DGKH: variants seen among roughly 807,000 people sequenced by gnomAD.
DGKH encodes the protein DAG kinase eta.
Under a neutral mutation model 159.3 loss-of-function variants are expected in DGKH, and 90 were observed. The ratio of observed to expected loss-of-function variants is 0.57; its 90% CI spans 0.48 to 0.67. DGKH has a LOEUF of 0.67. DGKH is among the 30% of genes least tolerant of loss of function. DGKH has a pLI of 0.00. For missense variants in DGKH, 1,181 were observed against 1,506.1 expected, an observed-to-expected ratio of 0.78 and a Z score of 3.57; for synonymous variants, 536 against 553.8, an observed-to-expected ratio of 0.97 and a Z score of 0.45.
At chr13:42,200,030 A>G in intron 20 of DGKH, 121 bp downstream of exon 20, 3 of 771,158 alleles carry the variant, frequency 3.9e-6, no homozygotes, top group Non-Finnish European at 6.0e-6. Flanking sequence ...AAGGGGAAAA[A>G]TGAATGTGAT....
At chr13:42,155,225 GT>G in intron 3 of DGKH, 65 bp from the exon 4 acceptor site, 2 of 1,221,964 alleles carry the variant, frequency 1.6e-6, no homozygotes, top group Non-Finnish European at 1.1e-6. Context: ...CTCAGAAGAT[GT>G]TAGGTTTTGC....
chr13:42,047,841 C>T (rs1270334253), upstream of DGKH, among the ~76,000 whole-genome samples: 2 of 152,312 alleles, frequency 1.3e-5, no homozygotes, highest in Non-Finnish European at 2.9e-5. Flanking sequence ...AGCGCTTCAG[C>T]TTAGACACTT....
chr13:42,162,627 A>G (rs953067081), intron 7 of DGKH, among the ~76,000 whole-genome samples: 20 of 152,066 alleles, frequency 1.3e-4, no homozygotes, highest in Admixed American at 1.1e-3. Context: ...AACATGGTGA[A>G]ACCCCGTTTT....
In DGKH at chr13:42,237,545, G is replaced by C. The variant is rs772435662; in HGVS notation, c.*8357G>C. 6.6e-6 allele frequency: 1 copy of C among 152,234 alleles called. No homozygotes were observed. Among genetic ancestry groups the C allele is most frequent in the South Asian group, 2.1e-4 (1 of 4,830 alleles). 9.4% of individuals were successfully genotyped at this position (152,234 alleles called of 1,614,324 possible). A position where few individuals can be genotyped will look rare whatever the true frequency, so the allele number is the denominator to read the frequency against. Reference sequence around the variant, plus strand: ...TGATAGAAACACAAGGCACACGTGAGCTGTATAGTGTGCTGAGCACACCCC... The same window carrying C: ...TGATAGAAACACAAGGCACACGTGACCTGTATAGTGTGCTGAGCACACCCC... On this transcript the variant is annotated 3_prime_UTR_variant, in exon 30 of 30. Coordinates refer to ENST00000337343, the MANE Select transcript of DGKH (RefSeq NM_178009.5).
At chr13:42,097,408 G>A (rs76262701) in intron 1 of DGKH, among the ~76,000 whole-genome samples, 3,186 of 152,174 alleles carry the variant, frequency 0.021, 56 homozygotes, top group Non-Finnish European at 0.03. Flanking sequence ...TGGTTCAGTG[G>A]GGGGACTTGT....
rs1016931105 is a variant in DGKH, at chr13:42,215,723, A to G, written c.3213+56A>G. The G allele has an allele frequency of 1.0e-5, 15 of 1,464,400 alleles. No individual in the cohort carries two copies. In the Admixed American group the frequency reaches 2.7e-4, roughly 26 times the overall value. 90.7% of individuals were successfully genotyped at this position (1,464,400 alleles called of 1,614,324 possible). A position where few individuals can be genotyped will look rare whatever the true frequency, so the allele number is the denominator to read the frequency against. On this transcript the variant is annotated intron_variant, in intron 26 of 29. Coordinates refer to ENST00000337343, the MANE Select transcript of DGKH (RefSeq NM_178009.5). ...ATGATGAATTAAATGTCTGGGTCTT[A>G]CCTTCATTGGGGAACAGGCATTTGG...
At chr13:42,065,016 C>T (rs1421705147) in intron 1 of DGKH, among the ~76,000 whole-genome samples, 1 of 152,082 alleles carries the variant, frequency 6.6e-6, no homozygotes, top group East Asian at 1.9e-4. Flanking sequence ...TAAGGATATT[C>T]TGAGGATTAA....
At chr13:42,119,938 C>T (rs1385930107) in intron 1 of DGKH, among the ~76,000 whole-genome samples, 1 of 152,148 alleles carries the variant, frequency 6.6e-6, no homozygotes, top group Non-Finnish European at 1.5e-5. Context: ...GAATAACTCT[C>T]TTAAATACTG....
downstream of DGKH, among the ~76,000 whole-genome samples, chr13:42,243,605 G>A (rs1793611787): frequency 6.6e-6 from 1 of 152,154 alleles, no homozygotes; most frequent in Non-Finnish European, 1.5e-5. Context: ...TTTAGGGGAG[G>A]ACAAAGGAAG....
chr13:42,168,931 G>A (rs760514278), intron 11 of DGKH, 113 bp downstream of exon 11: 378 of 1,214,076 alleles, frequency 3.1e-4, no homozygotes, highest in Non-Finnish European at 3.9e-4. Context: ...GAAGCTCCAC[G>A]AAGGCAGAGC....
At chr13:42,065,662 G>A (rs935587225) in intron 1 of DGKH, among the ~76,000 whole-genome samples, 9 of 152,180 alleles carry the variant, frequency 5.9e-5, no homozygotes, top group African/African-American at 2.2e-4. Context: ...TGGACTGGGG[G>A]TAGTTGAAGG....
rs1882810490 is a variant in DGKH at position 42,069,454 on chromosome 13, A to G, written c.192+20489A>G. 7 of 1,548,438 alleles carry G rather than the reference A, an allele frequency of 4.5e-6. No individual in the cohort carries two copies. In the Admixed American group the frequency reaches 5.3e-5, roughly 12 times the overall value. ...CTATTCAAGTCGATTTAATTTATCA[A>G]CAACATCAGTAGACTCATGTTGGAA... On this transcript the variant is annotated intron_variant, in intron 1 of 29. Transcript: ENST00000337343.
chr13:42,178,715 G>T (rs1381884364), intron 13 of DGKH, among the ~76,000 whole-genome samples: 1 of 152,120 alleles, frequency 6.6e-6, no homozygotes, highest in Non-Finnish European at 1.5e-5. Flanking sequence ...TTTGTACATG[G>T]AGCCAAAGCT....
intron 1 of DGKH, among the ~76,000 whole-genome samples, chr13:42,053,568 CTA>C (rs370501850): frequency 3.2e-4 from 16 of 50,628 alleles, no homozygotes; most frequent in African/African-American, 2.2e-3. Context: ...ATATATATAA[CTA>C]TATATGTATA....
In DGKH at chr13:42,048,860, T is replaced by A. The variant is rs775664686; in HGVS notation, c.87T>A (p.Ala29=). The change falls in exon 1 of 30, where the codon GCT becomes GCA. Residue 29 remains alanine (A), a synonymous_variant. Transcript: ENST00000337343. The surrounding 1 kb of genome is among the most constrained non-coding windows in gnomAD (Gnocchi z 6.7). ...CCGGCGCCGCGGTCACCTCCGCCGC[T>A]GCCTCGGCGGGGCCGGGAGAGGATT... is the stretch of plus-strand genomic sequence containing the variant. ...AGAGAAVTSA[A]ASAGPGEDSS... 7.3e-7 allele frequency: 1 copy of A among 1,373,576 alleles called. No homozygotes were observed. The highest frequency in any genetic ancestry group is 1.5e-5 in the African/African-American group (1 of 66,384). 85.1% of individuals were successfully genotyped at this position (1,373,576 alleles called of 1,614,324 possible).
intron 1 of DGKH, among the ~76,000 whole-genome samples, chr13:42,060,807 A>C (rs868176909): frequency 5.3e-5 from 8 of 152,206 alleles, no homozygotes; most frequent in Admixed American, 1.3e-4. Flanking sequence ...GGTAAGTACA[A>C]TTATTCTCTC....
At chr13:42,116,854 AAC>A (rs778593533) in intron 1 of DGKH, among the ~76,000 whole-genome samples, 22 of 152,254 alleles carry the variant, frequency 1.4e-4, no homozygotes, top group Non-Finnish European at 2.2e-4. Flanking sequence ...TTGGACTAAA[AAC>A]AGTTACAGAA....
chr13:42,182,732 A>G (rs186156659), intron 13 of DGKH, among the ~76,000 whole-genome samples: 4 of 151,832 alleles, frequency 2.6e-5, no homozygotes, highest in Admixed American at 6.6e-5. Context: ...GGCTAACTGT[A>G]TGTGTGTGTG....
intron 3 of DGKH, among the ~76,000 whole-genome samples, chr13:42,139,926 G>A (rs576452016): frequency 1.3e-5 from 2 of 152,238 alleles, no homozygotes; most frequent in African/African-American, 2.4e-5. Flanking sequence ...CGAGGAACTC[G>A]CCTCCCAACT....
Sources: gnomAD v4.1 joint callset for allele counts (sites outside exome capture counted in the v4.1 genomes callset) on GRCh38, gnomAD v4.1.1 for gene constraint, Gnocchi (gnomAD v3.1) non-coding constraint, MANE v1.5 for transcripts, NCBI Gene and HGNC (gene_info 2026-07-23, HGNC 2026-07-21) for gene names.